Variants in IRX2 observed in about 807,000 individuals in gnomAD.
The protein encoded by IRX2 is iroquois-class homeodomain protein IRX-2.
IRX2 carries 26 observed loss-of-function variants against 42.9 expected under a neutral mutation model. That is an observed-to-expected ratio of 0.61 (90% CI 0.44 to 0.84). IRX2 has a LOEUF of 0.84. Among genes scored for constraint, IRX2 ranks in the 40% least tolerant of loss-of-function variants. The pLI, the probability that IRX2 is intolerant of heterozygous loss-of-function variation, is 0.00. For synonymous variants in IRX2, 424 were observed against 353.9 expected (o/e 1.20, Z -2.22); for missense variants, 782 against 713.9 (o/e 1.10, Z -1.09).
chr5:2,741,973 T>C (rs1237443750), downstream of IRX2, among the ~76,000 whole-genome samples: 1 of 152,244 alleles, frequency 6.6e-6, no homozygotes, highest in Admixed American at 6.5e-5. Context: ...CTTTCTTCAT[T>C]GTATTAGCAA....
At chr5:2,749,159 A>C in intron 2 of IRX2, 107 bp from the exon 3 acceptor site, 1 of 1,491,184 alleles carries the variant, frequency 6.7e-7, no homozygotes, top group Non-Finnish European at 8.9e-7. Context: ...GGGACCCCTC[A>C]CCTCGCCCCC....
chr5:2,751,312 C>T lies in IRX2; in HGVS notation c.102G>A (p.Glu34=), dbSNP rs1319618938. The change falls in exon 1 of 4, where the codon GAG becomes GAA. Residue 34 remains glutamate (E), a synonymous_variant. Transcript: ENST00000302057. The surrounding 1 kb of genome is among the most constrained non-coding windows in gnomAD (Gnocchi z 4.0). ...AGCCCGACGCCGAGCGCGCCAGCTC[C>T]TCGCTGCGCGGAGCCGCCAAAGCCG... ...GASALAAPRS[E]ELARSASGSA... 2.1e-5 allele frequency: 30 copies of T among 1,437,200 alleles called. No individual in the cohort carries two copies. Among genetic ancestry groups the T allele is most frequent in the Non-Finnish European group, 2.6e-5 (29 of 1,095,760 alleles). The allele number at this position is 1,437,200 out of a possible 1,614,324, so 89.0% of individuals were successfully genotyped here.
chr5:2,748,150 G>A (rs953762319), intron 3 of IRX2, among the ~76,000 whole-genome samples, 195 bp downstream of exon 3: 8 of 152,152 alleles, frequency 5.3e-5, no homozygotes, highest in Admixed American at 3.3e-4. Flanking sequence ...AATAATAACA[G>A]GGCAAGTCTA....
downstream of IRX2, among the ~76,000 whole-genome samples, chr5:2,743,932 C>CA (rs1737600059): frequency 6.6e-6 from 1 of 152,148 alleles, no homozygotes; most frequent in South Asian, 2.1e-4. Flanking sequence ...GGTCAGGAGA[C>CA]AGAGTGGGTA....
rs1421609379 is a variant in IRX2 at position 2,751,457 on chromosome 5, C to A, written c.-44G>T. On this transcript the variant is annotated 5_prime_UTR_variant, in exon 1 of 4. Coordinates refer to ENST00000302057, the MANE Select transcript of IRX2 (RefSeq NM_033267.5). This position sits in a 1 kb window ranked among gnomAD's most constrained non-coding sequence, Gnocchi z 4.0. Reference sequence around the variant, plus strand: ...GGCCCGCGTCACGCCGAGCAGCGGGCAGGGCGCGCGGCGCCCTCCATCCAC... The same window carrying A: ...GGCCCGCGTCACGCCGAGCAGCGGGAAGGGCGCGCGGCGCCCTCCATCCAC... The A allele has an allele frequency of 2.6e-6, 3 of 1,146,102 alleles. No individual in the cohort carries two copies. Among genetic ancestry groups the A allele is most frequent in the Non-Finnish European group, 3.2e-6 (3 of 934,432 alleles). 71.0% of individuals were successfully genotyped at this position (1,146,102 alleles called of 1,614,324 possible).
chr5:2,739,403 A>G, the IRX2 span, among the ~76,000 whole-genome samples: 607 of 152,312 alleles, frequency 4.0e-3, 9 homozygotes, highest in Admixed American at 3.6e-3. Context: ...GATCGGGGCT[A>G]CACGGCTCGC....
chr5:2,743,315 C>T (rs1018292767), downstream of IRX2, among the ~76,000 whole-genome samples: 1 of 152,118 alleles, frequency 6.6e-6, no homozygotes, highest in African/African-American at 2.4e-5. Context: ...TTTGCAGAAA[C>T]AATAACTCTT....
chr5:2,743,206 C>A (rs892554109), downstream of IRX2, among the ~76,000 whole-genome samples: 1 of 152,208 alleles, frequency 6.6e-6, no homozygotes, highest in Non-Finnish European at 1.5e-5. Context: ...GCCCCAGCAC[C>A]CAGCCCCCTT....
downstream of IRX2, chr5:2,746,152 C>T (rs1160342065): frequency 1.3e-5 from 2 of 151,820 alleles, no homozygotes; most frequent in Non-Finnish European, 1.5e-5. Flanking sequence ...AAAAATAAGC[C>T]CCAAACATCA....
the IRX2 span, chr5:2,736,572 T>C: frequency 1.3e-5 from 2 of 152,236 alleles, no homozygotes; most frequent in Non-Finnish European, 2.9e-5. Flanking sequence ...TTGATGAAGA[T>C]ATATTTAAAT....
At position 2,750,397 on chromosome 5, in the gene IRX2, C is replaced by T. The variant is rs186866322; in HGVS notation, c.250-610G>A. Among the ~76,000 whole-genome samples, 237 of 152,366 alleles carry T rather than the reference C, an allele frequency of 1.6e-3. 3 individuals carry two copies. The highest frequency in any genetic ancestry group is 0.015 in the Admixed American group (224 of 15,312). Reference sequence around the variant, plus strand: ...CTCGGTCGCTGCCCAGAAATTCCGCCGAGGGCCGGCAGTCGCGACAACCCC... The same window carrying T: ...CTCGGTCGCTGCCCAGAAATTCCGCTGAGGGCCGGCAGTCGCGACAACCCC... On this transcript the variant is annotated intron_variant, in intron 1 of 3. Coordinates refer to ENST00000302057, the MANE Select transcript of IRX2 (RefSeq NM_033267.5).
chr5:2,748,893 T>C lies in IRX2; in HGVS notation c.815A>G (p.Glu272Gly). Residue 272 changes from glutamate (E) to glycine (G), a missense_variant, in exon 3 of 4, where the codon GAG (glutamate) becomes GGG (glycine). Coordinates refer to ENST00000302057, the MANE Select transcript of IRX2 (RefSeq NM_033267.5). The part of the protein sequence containing the change: ...DLEDDEDDDE[E>G]GERGLAPPKP... ...GGGCGGCGCCAGGCCCCGCTCGCCC[T>C]CCTCGTCGTCGTCCTCGTCGTCCTC... 1 of 1,595,598 alleles carries C rather than the reference T, an allele frequency of 6.3e-7. No homozygotes were observed. The highest frequency in any genetic ancestry group is 8.5e-7 in the Non-Finnish European group (1 of 1,178,980).
rs1737985780 is a variant in IRX2 at position 2,751,484 on chromosome 5, C to A, written c.-71G>T. On this transcript the variant is annotated 5_prime_UTR_variant, in exon 1 of 4. Transcript: ENST00000302057. The surrounding 1 kb of genome is among the most constrained non-coding windows in gnomAD (Gnocchi z 4.0). ...GGGCGCGCGGCGCCCTCCATCCACG[C>A]CCGGCCGGGGCGCGGCGCGGCGGCG... 9 of 975,898 alleles carry A rather than the reference C, an allele frequency of 9.2e-6. No individual in the cohort carries two copies. The highest frequency in any genetic ancestry group is 1.1e-5 in the Non-Finnish European group (9 of 819,472). The allele number at this position is 975,898 out of a possible 1,614,324, so 60.5% of individuals were successfully genotyped here. A position where few individuals can be genotyped will look rare whatever the true frequency, so the allele number is the denominator to read the frequency against.
chr5:2,740,383 G>A, the IRX2 span, among the ~76,000 whole-genome samples: 1 of 151,928 alleles, frequency 6.6e-6, no homozygotes, highest in Non-Finnish European at 1.5e-5. Flanking sequence ...CCTGACCTGC[G>A]ACTGTTCGGT....
chr5:2,749,644 G>C lies in IRX2; in HGVS notation c.393C>G (p.Ala131=). The change falls in exon 2 of 4, where the codon GCC becomes GCG. Residue 131 remains alanine (A), a synonymous_variant. Coordinates refer to ENST00000302057, the MANE Select transcript of IRX2 (RefSeq NM_033267.5). ...ATRDATATLK[A]WLNEHRKNPY... is the part of the protein sequence containing the mutation. ...GGTTCTTGCGGTGCTCGTTGAGCCA[G>C]GCCTTGAGAGTGGCCGTGGCGTCCC... is the stretch of plus-strand genomic sequence containing the variant. 1 of 1,614,230 alleles carries C rather than the reference G, an allele frequency of 6.2e-7. No homozygotes were observed. Among genetic ancestry groups the C allele is most frequent in the South Asian group, 1.1e-5 (1 of 91,088 alleles).
chr5:2,738,028 T>C, the IRX2 span, among the ~76,000 whole-genome samples: 1 of 152,166 alleles, frequency 6.6e-6, no homozygotes, highest in Non-Finnish European at 1.5e-5. Context: ...ACTGGAAAGT[T>C]GGGGTGCATC....
downstream of IRX2, among the ~76,000 whole-genome samples, chr5:2,743,868 G>A (rs1241762117): frequency 6.6e-6 from 1 of 152,110 alleles, no homozygotes; most frequent in African/African-American, 2.4e-5. Context: ...ACACCTGCAG[G>A]TTTTAGGTTC....
intron 1 of IRX2, among the ~76,000 whole-genome samples, chr5:2,750,838 A>C (rs1579632171): frequency 6.6e-6 from 1 of 152,290 alleles, no homozygotes; most frequent in African/African-American, 2.4e-5. Context: ...TGCGGTGCGG[A>C]AACCAGGGAC....
In IRX2 at chr5:2,749,785, G is replaced by T. The variant is rs149245392; in HGVS notation, c.252C>A (p.Gly84=). The T allele has an allele frequency of 8.1e-4, 1,294 of 1,599,940 alleles. 7 individuals are homozygous for T. In the African/African-American group the frequency reaches 0.015, roughly 19 times the overall value. Residue 84 remains glycine, a splice_region_variant and synonymous_variant, in exon 2 of 4, where the codon GGC becomes GGA. Transcript: ENST00000302057. The part of the protein sequence containing the change: ...AAAAGFPSYM[G]APYDAHTTGM... ...CGGTGGTGTGCGCGTCGTAGGGTGC[G>T]CCCTGGAACCAACAAGAGCCTGTGA...
Sources: allele counts gnomAD v4.1 joint callset (sites outside exome capture counted in the v4.1 genomes callset), GRCh38; gene constraint gnomAD v4.1.1; non-coding constraint Gnocchi (gnomAD v3.1); transcripts MANE v1.5; gene names NCBI Gene and HGNC (gene_info 2026-07-23, HGNC 2026-07-21).